SPTLC1: variants seen among roughly 807,000 people sequenced by gnomAD.
SPTLC1 encodes serine palmitoyltransferase long chain base subunit 1.
In SPTLC1, 55 loss-of-function variants were observed where a neutral mutation model predicts 68.9. That is an observed-to-expected ratio of 0.80 (90% confidence interval 0.64 to 1.00). The LOEUF is 1.00. Among genes scored for constraint, SPTLC1 ranks in the 50% least tolerant of loss-of-function variants. The pLI, the probability that SPTLC1 is intolerant of heterozygous loss-of-function variation, is 0.00. For synonymous variants in SPTLC1, 197 were observed against 201.6 expected (o/e 0.98, Z 0.19); for missense variants, 449 against 573.1 (o/e 0.78, Z 2.21).
chr9:92,061,801 T>C (rs937776095), intron 6 of SPTLC1, among the ~76,000 whole-genome samples: 2 of 152,206 alleles, frequency 1.3e-5, no homozygotes. Flanking sequence ...TATTATAATA[T>C]ATGTGTAATG....
chr9:92,048,467 TA>T (rs1833595382), intron 9 of SPTLC1, among the ~76,000 whole-genome samples: 1 of 152,200 alleles, frequency 6.6e-6, no homozygotes, highest in South Asian at 2.1e-4. Context: ...CTGCCCTTTT[TA>T]AAAAGCATGT....
At chr9:92,114,533 C>T (rs554696774) in intron 1 of SPTLC1, among the ~76,000 whole-genome samples, 2 of 152,098 alleles carry the variant, frequency 1.3e-5, no homozygotes, top group South Asian at 4.1e-4. Flanking sequence ...GTCGGGAGTT[C>T]GAGACCAGCC....
At chr9:92,067,832 G>A in intron 6 of SPTLC1, 134 bp downstream of exon 6, 2 of 1,040,940 alleles carry the variant, frequency 1.9e-6, no homozygotes, top group Non-Finnish European at 2.8e-6. Context: ...GAAACCTTTG[G>A]TGAGGTGACT....
chr9:92,113,488 T>G (rs1033226284), intron 1 of SPTLC1, among the ~76,000 whole-genome samples: 1 of 152,214 alleles, frequency 6.6e-6, no homozygotes, highest in African/African-American at 2.4e-5. Context: ...AAATGTTACA[T>G]ACAGGAGTTC....
At chr9:92,106,377 G>A (rs2118815722) in intron 3 of SPTLC1, among the ~76,000 whole-genome samples, 1 of 151,830 alleles carries the variant, frequency 6.6e-6, no homozygotes, top group East Asian at 1.9e-4. Context: ...GAGAGGCTGA[G>A]GCAGGAGAAT....
At chr9:92,097,402 C>A (rs1835569002) in intron 3 of SPTLC1, among the ~76,000 whole-genome samples, 1 of 152,032 alleles carries the variant, frequency 6.6e-6, no homozygotes. Context: ...TTTATTTTTT[C>A]ATATACTCTT....
At chr9:92,080,117 A>G (rs1441845864) in intron 4 of SPTLC1, 29 bp from the exon 5 acceptor site, 1 of 1,571,904 alleles carries the variant, frequency 6.4e-7, no homozygotes, top group South Asian at 1.1e-5. Flanking sequence ...ATTATACTTT[A>G]ATAATTTATC....
chr9:92,105,623 G>A (rs1326964894), intron 3 of SPTLC1, among the ~76,000 whole-genome samples: 1 of 151,788 alleles, frequency 6.6e-6, no homozygotes, highest in Non-Finnish European at 1.5e-5. Context: ...TGGGAAGTGA[G>A]GAGCGCCTCT....
At chr9:92,074,262 T>C (rs142851037) in intron 5 of SPTLC1, among the ~76,000 whole-genome samples, 64 of 152,152 alleles carry the variant, frequency 4.2e-4, no homozygotes, top group Middle Eastern at 3.4e-3. Flanking sequence ...GTTGTGCATA[T>C]TGACGGCCAA....
intron 3 of SPTLC1, among the ~76,000 whole-genome samples, chr9:92,092,844 G>A (rs114600980): frequency 0.021 from 3,212 of 152,262 alleles, 109 homozygotes; most frequent in African/African-American, 0.074. Flanking sequence ...TTGAAAGTTT[G>A]CAGCAAGTTC....
intron 3 of SPTLC1, among the ~76,000 whole-genome samples, chr9:92,098,324 C>A (rs1564114291): frequency 6.6e-6 from 1 of 152,080 alleles, no homozygotes; most frequent in Non-Finnish European, 1.5e-5. Flanking sequence ...CACTCCTCAC[C>A]CAGCATCCAT....
chr9:92,077,437 C>G (rs567854089), intron 5 of SPTLC1, among the ~76,000 whole-genome samples: 69 of 152,244 alleles, frequency 4.5e-4, no homozygotes, highest in African/African-American at 1.6e-3. Flanking sequence ...CTATAGTACC[C>G]CAACCACAGT....
rs186157144 is a variant in SPTLC1, at chr9:92,069,531, G to A, written c.428-1433C>T. 1.4e-3 allele frequency among the ~76,000 whole-genome samples: 211 copies of A among 152,298 alleles called. 1 individual carries two copies. The highest frequency in any genetic ancestry group is 3.9e-3 in the African/African-American group (160 of 41,544). ...CTACGATCACATGAAATCCAAGGCC[G>A]TGATTCCCTGTATCTGACAGCCGCC... is the stretch of plus-strand genomic sequence containing the variant. On this transcript the variant is annotated intron_variant, in intron 5 of 14. Transcript: ENST00000262554.
chr9:92,076,646 A>G (rs1834691061), intron 5 of SPTLC1, among the ~76,000 whole-genome samples: 1 of 151,388 alleles, frequency 6.6e-6, no homozygotes, highest in Non-Finnish European at 1.5e-5. Context: ...CAAAACAATC[A>G]CCTCTCAATG....
At chr9:92,099,921 C>T (rs926481547) in intron 3 of SPTLC1, among the ~76,000 whole-genome samples, 18 of 152,248 alleles carry the variant, frequency 1.2e-4, no homozygotes, top group Admixed American at 1.1e-3. Context: ...AGTCTAGGTG[C>T]GTACCAGGTT....
intron 9 of SPTLC1, 53 bp downstream of exon 9, chr9:92,049,907 G>A: frequency 8.7e-7 from 1 of 1,150,830 alleles, no homozygotes; most frequent in Non-Finnish European, 1.3e-6. Flanking sequence ...TAGCAGAATG[G>A]AACTACATGT....
intron 3 of SPTLC1, chr9:92,104,580 G>A: frequency 6.7e-7 from 1 of 1,488,530 alleles, no homozygotes; most frequent in Non-Finnish European, 9.1e-7. Flanking sequence ...TCTTGTCTCA[G>A]AGGCAAGTTT....
chr9:92,046,315 T>C (rs1833513098), intron 11 of SPTLC1: 2 of 461,598 alleles, frequency 4.3e-6, no homozygotes, highest in South Asian at 3.5e-5. Context: ...CCTCTTGTTC[T>C]CATCAAGATC....
chr9:92,078,949 A>G, intron 5 of SPTLC1: 5 of 710,896 alleles, frequency 7.0e-6, no homozygotes, highest in Non-Finnish European at 8.6e-6. Flanking sequence ...GTAAAAAAAC[A>G]CAAAAAGATC....
Sources: gnomAD v4.1 joint callset for allele counts (sites outside exome capture counted in the v4.1 genomes callset) on GRCh38, gnomAD v4.1.1 for gene constraint, MANE v1.5 for transcripts, NCBI Gene and HGNC (gene_info 2026-07-23, HGNC 2026-07-21) for gene names.